The following CACNA2D3 variants were observed in gnomAD, a reference collection of about 807,000 sequenced individuals.
CACNA2D3 encodes the protein voltage-dependent calcium channel subunit alpha-2/delta-3.
In CACNA2D3, 60 loss-of-function variants were observed where a neutral mutation model predicts 160.6. The observed-to-expected ratio is 0.37, with a 90% CI of 0.30 to 0.46. The LOEUF is 0.46. Among genes scored for constraint, CACNA2D3 ranks in the 20% least tolerant of loss-of-function variants. CACNA2D3 has a pLI of 1.00. For missense variants in CACNA2D3, 1,205 were observed against 1,365.0 expected, an observed-to-expected ratio of 0.88 and a Z score of 1.85; for synonymous variants, 558 against 492.9, an observed-to-expected ratio of 1.13 and a Z score of -1.75.
intron 2 of CACNA2D3, among the ~76,000 whole-genome samples, chr3:54,140,806 C>T (rs545482707): frequency 6.0e-4 from 91 of 152,282 alleles, no homozygotes; most frequent in African/African-American, 2.1e-3. Context: ...CTACTGCCTT[C>T]GGATTTTTGG....
chr3:54,860,461 C>G lies in CACNA2D3; in HGVS notation c.1627-11078C>G, dbSNP rs139716051. ...TTTTATCTGACTCCCAGGATTGCTG[C>G]AGGTTTTTCATGAATATGGGGTTGG... On this transcript the variant is annotated intron_variant, in intron 17 of 37. Transcript: ENST00000474759. Among the ~76,000 whole-genome samples the G allele has an allele frequency of 9.6e-4, 146 of 152,256 alleles. 3 individuals are homozygous for G. In the East Asian group the frequency reaches 0.025, roughly 26 times the overall value.
At chr3:54,267,428 T>C (rs1346659094) in intron 2 of CACNA2D3, among the ~76,000 whole-genome samples, 2 of 152,212 alleles carry the variant, frequency 1.3e-5, no homozygotes, top group African/African-American at 2.4e-5. Context: ...AAGTTTTCCA[T>C]TGGAGGTGCA....
intron 27 of CACNA2D3, among the ~76,000 whole-genome samples, chr3:54,913,210 G>A (rs1402328643): frequency 6.6e-6 from 1 of 152,160 alleles, no homozygotes; most frequent in African/African-American, 2.4e-5. Flanking sequence ...AGGCTCCTGT[G>A]TAGCTGGGAT....
At chr3:54,851,004 T>G (rs1699045393) in intron 17 of CACNA2D3, among the ~76,000 whole-genome samples, 1 of 152,224 alleles carries the variant, frequency 6.6e-6, no homozygotes, top group Admixed American at 6.5e-5. Flanking sequence ...GTCACAGAGA[T>G]GTGCCCTACC....
At chr3:54,361,880 G>T (rs2107541912) in intron 3 of CACNA2D3, among the ~76,000 whole-genome samples, 1 of 152,304 alleles carries the variant, frequency 6.6e-6, no homozygotes, top group East Asian at 1.9e-4. Context: ...ATGAAGTCTG[G>T]TGGAATTTTA....
chr3:54,664,477 G>T (rs765546867), intron 11 of CACNA2D3, among the ~76,000 whole-genome samples: 1 of 152,150 alleles, frequency 6.6e-6, no homozygotes, highest in Non-Finnish European at 1.5e-5. Context: ...ACTCCTCACC[G>T]CCACCTCCCC....
chr3:54,223,379 T>C (rs1701609315), intron 2 of CACNA2D3, among the ~76,000 whole-genome samples: 1 of 152,110 alleles, frequency 6.6e-6, no homozygotes, highest in Non-Finnish European at 1.5e-5. Flanking sequence ...CATATGTAAA[T>C]GTAGGAAAGG....
chr3:54,154,690 C>G lies in CACNA2D3; in HGVS notation c.204+31096C>G, dbSNP rs1700212430. On this transcript the variant is annotated intron_variant, in intron 2 of 37. Transcript: ENST00000474759. ...TTTACCCAGTCTGCCTTTGTAGAGT[C>G]TGGCCAAGTGAGGTTTTGTCCAACC... 3.3e-5 allele frequency among the ~76,000 whole-genome samples: 5 copies of G among 152,140 alleles called. No individual in the cohort carries two copies. In the South Asian group the frequency reaches 1.0e-3, roughly 31 times the overall value.
intron 18 of CACNA2D3, among the ~76,000 whole-genome samples, chr3:54,878,119 G>A (rs956015943): frequency 5.2e-4 from 79 of 152,112 alleles, no homozygotes; most frequent in African/African-American, 1.8e-3. Context: ...TCAAATTTAG[G>A]TTGCTTGCTA....
At chr3:54,764,783 G>A (rs1255797884) in intron 13 of CACNA2D3, among the ~76,000 whole-genome samples, 1 of 152,180 alleles carries the variant, frequency 6.6e-6, no homozygotes, top group African/African-American at 2.4e-5. Context: ...CCACCATGGA[G>A]GCTACAGTTG....
chr3:54,672,249 GT>G, intron 11 of CACNA2D3, among the ~76,000 whole-genome samples: 1 of 152,316 alleles, frequency 6.6e-6, no homozygotes, highest in East Asian at 1.9e-4. Context: ...ATTGGTTGGA[GT>G]TTCTTAATTA....
chr3:54,483,743 G>T (rs1700970957), intron 4 of CACNA2D3, among the ~76,000 whole-genome samples: 1 of 152,136 alleles, frequency 6.6e-6, no homozygotes. Flanking sequence ...GAATGTCATT[G>T]TGTTGTAATT....
chr3:54,524,140 C>A (rs1388568838), intron 5 of CACNA2D3, among the ~76,000 whole-genome samples: 1 of 152,084 alleles, frequency 6.6e-6, no homozygotes, highest in Non-Finnish European at 1.5e-5. Flanking sequence ...GCATTTGCAG[C>A]TATAAATTTT....
rs538736529 is a variant in CACNA2D3 at position 54,698,832 on chromosome 3, A to G, written c.1168-53767A>G. Among the ~76,000 whole-genome samples, 5 of 152,252 alleles carry G rather than the reference A, an allele frequency of 3.3e-5. No homozygotes were observed. The South Asian group carries it at 8.3e-4, about 25-fold the overall frequency. ...TGCATGGGCAATGGCCTGCCTATGTATTTATCTCCCACCCTGTGTGTTTTC... is the reference window on the plus strand; with the variant it reads ...TGCATGGGCAATGGCCTGCCTATGTGTTTATCTCCCACCCTGTGTGTTTTC... On this transcript the variant is annotated intron_variant, in intron 11 of 37. Coordinates refer to ENST00000474759, the MANE Select transcript of CACNA2D3 (RefSeq NM_018398.3).
chr3:54,894,508 C>T, intron 25 of CACNA2D3: 2 of 460,264 alleles, frequency 4.3e-6, no homozygotes, highest in Non-Finnish European at 8.7e-6. Flanking sequence ...CTAACCAAGC[C>T]ACCATCTCAT....
At chr3:54,729,891 C>G (rs1701352787) in intron 11 of CACNA2D3, among the ~76,000 whole-genome samples, 1 of 150,830 alleles carries the variant, frequency 6.6e-6, no homozygotes, top group Admixed American at 6.7e-5. Flanking sequence ...CCCAGTTACT[C>G]AGGAGGCTAA....
intron 4 of CACNA2D3, among the ~76,000 whole-genome samples, chr3:54,463,506 T>C (rs954453958): frequency 1.3e-5 from 2 of 152,206 alleles, no homozygotes; most frequent in Non-Finnish European, 2.9e-5. Flanking sequence ...CTTCTCATCT[T>C]GCTTCATTTC....
intron 11 of CACNA2D3, among the ~76,000 whole-genome samples, chr3:54,656,594 T>C (rs1302624571): frequency 6.6e-6 from 1 of 152,154 alleles, no homozygotes; most frequent in Admixed American, 6.5e-5. Flanking sequence ...CAGGGCAGCC[T>C]CTCCCAGCTA....
chr3:54,995,104 G>C (rs975240944), intron 31 of CACNA2D3, among the ~76,000 whole-genome samples: 1 of 152,086 alleles, frequency 6.6e-6, no homozygotes, highest in African/African-American at 2.4e-5. Context: ...CTCCTGAGTA[G>C]CTGGGATTAC....
Sources: gnomAD v4.1 joint callset for allele counts (sites outside exome capture counted in the v4.1 genomes callset) on GRCh38, gnomAD v4.1.1 for gene constraint, MANE v1.5 for transcripts, NCBI Gene and HGNC (gene_info 2026-07-23, HGNC 2026-07-21) for gene names.